The following CCDC92 variants were observed in gnomAD, a reference collection of about 807,000 sequenced individuals.
The protein encoded by CCDC92 is coiled-coil domain containing 92.
A neutral mutation model predicts 24.9 loss-of-function variants in CCDC92; 12 were observed. That is an observed-to-expected ratio of 0.48 (90% CI 0.31 to 0.78). The LOEUF (loss-of-function observed/expected upper bound fraction) is 0.78, where lower values mean the gene tolerates loss of function less well. Ranked by LOEUF, CCDC92 falls within the 30% of genes least tolerant of loss-of-function variation. The probability of loss-of-function intolerance (pLI) is 0.05; values close to 1 mark genes in which losing one functional copy is unlikely to be tolerated. For synonymous variants in CCDC92, 193 were observed against 196.3 expected (o/e 0.98, Z 0.14); for missense variants, 399 against 439.4 (o/e 0.91, Z 0.82).
chr12:123,972,242 G>T (rs1342900669), intron 1 of CCDC92, among the ~76,000 whole-genome samples: 1 of 151,928 alleles, frequency 6.6e-6, no homozygotes, highest in East Asian at 1.9e-4. Flanking sequence ...GGGGGCGGGC[G>T]CGGGGGTCGC....
chr12:123,949,133 G>A (rs1479026155), intron 1 of CCDC92, among the ~76,000 whole-genome samples: 1 of 152,288 alleles, frequency 6.6e-6, no homozygotes, highest in East Asian at 1.9e-4. Flanking sequence ...AGAAAGGCAG[G>A]GCGTCTGCTG....
At position 123,937,473 on chromosome 12, in the gene CCDC92, G is replaced by A; in HGVS notation, c.581C>T (p.Pro194Leu). 6.2e-7 allele frequency: 1 copy of A among 1,613,172 alleles called. No homozygotes were observed. Residue 194 changes from proline to leucine, a missense_variant, in exon 5 of 5, where the codon CCC (proline) becomes CTC (leucine). Transcript: ENST00000238156. This position sits in a 1 kb window ranked among gnomAD's most constrained non-coding sequence, Gnocchi z 8.4. Reference protein sequence around the residue: ...PVLASYKPAPPKDKLPETPRR... With the variant: ...PVLASYKPAPLKDKLPETPRR... ...AGGCGTTTCGGGTAGCTTGTCTTTG[G>A]GGGGCGCTGGCTTGTAGCTGGCCAG...
rs373710834 is a variant in CCDC92, at chr12:123,937,479, G to A, written c.575C>T (p.Ala192Val). The A allele has an allele frequency of 3.9e-5, 63 of 1,612,854 alleles. No individual in the cohort carries two copies. Among genetic ancestry groups the A allele is most frequent in the South Asian group, 9.9e-5 (9 of 91,080 alleles). Reference protein sequence around the residue: ...GSPVLASYKPAPPKDKLPETP... With the variant: ...GSPVLASYKPVPPKDKLPETP... ...TTCGGGTAGCTTGTCTTTGGGGGGC[G>A]CTGGCTTGTAGCTGGCCAGCACGGG... Residue 192 changes from alanine (A) to valine (V), a missense_variant, in exon 5 of 5, where the codon GCG becomes GTG. Transcript: ENST00000238156. The surrounding 1 kb of genome is among the most constrained non-coding windows in gnomAD (Gnocchi z 8.4).
chr12:123,937,257 G>T lies in CCDC92; in HGVS notation c.797C>A (p.Pro266His), dbSNP rs1330145699. The change falls in exon 5 of 5, where the codon CCC becomes CAC. Residue 266 changes from proline to histidine, a missense_variant. Pro to His is a moderately conservative substitution (Grantham distance 77). Transcript: ENST00000238156. The surrounding 1 kb of genome is among the most constrained non-coding windows in gnomAD (Gnocchi z 8.4). ...HLIKERPLVI[P>H]PIASDRSGEQ... Reference sequence around the variant, plus strand: ...GCCGCTTCGGTCGGAGGCGATGGGGGGGATGACGAGGGGCCTCTCTTTGAT... The same window carrying T: ...GCCGCTTCGGTCGGAGGCGATGGGGTGGATGACGAGGGGCCTCTCTTTGAT... 1.9e-6 allele frequency: 3 copies of T among 1,611,544 alleles called. No individual in the cohort carries two copies. Among genetic ancestry groups the T allele is most frequent in the Non-Finnish European group, 2.5e-6 (3 of 1,179,822 alleles).
chr12:123,942,301 G>A (rs1390000790), intron 4 of CCDC92, among the ~76,000 whole-genome samples: 1 of 152,144 alleles, frequency 6.6e-6, no homozygotes, highest in South Asian at 2.1e-4. Context: ...GTGACCACTC[G>A]CCCGCCAGCA....
intron 1 of CCDC92, among the ~76,000 whole-genome samples, chr12:123,961,689 C>T (rs889163178): frequency 2.0e-5 from 3 of 152,140 alleles, no homozygotes; most frequent in Non-Finnish European, 2.9e-5. Context: ...ACTGCAGTAG[C>T]GACACAGCCT....
At chr12:123,966,890 A>G (rs1237937750) in intron 1 of CCDC92, among the ~76,000 whole-genome samples, 1 of 152,184 alleles carries the variant, frequency 6.6e-6, no homozygotes, top group Non-Finnish European at 1.5e-5. Context: ...ATGAGACACA[A>G]GAACCTCCAA....
chr12:123,937,074 G>A lies in CCDC92; in HGVS notation c.980C>T (p.Thr327Met), dbSNP rs199877368. Reference protein sequence around the residue: ...GGKVVRKHSGTDRTV With the variant: ...GGKVVRKHSGMDRTV ...CGGCGGGCTTCACACAGTTCTGTCCGTCCCTGAGTGCTTCCTCACCACCTT... is the reference window on the plus strand; with the variant it reads ...CGGCGGGCTTCACACAGTTCTGTCCATCCCTGAGTGCTTCCTCACCACCTT... Residue 327 changes from threonine (T) to methionine (M), a missense_variant, in exon 5 of 5, where the codon ACG becomes ATG. Coordinates refer to ENST00000238156, the MANE Select transcript of CCDC92 (RefSeq NM_025140.3). This position sits in a 1 kb window ranked among gnomAD's most constrained non-coding sequence, Gnocchi z 8.4. 83 of 1,613,884 alleles carry A rather than the reference G, an allele frequency of 5.1e-5. 1 individual carries two copies. In the African/African-American group the frequency reaches 6.0e-4, roughly 12 times the overall value.
intron 1 of CCDC92, among the ~76,000 whole-genome samples, chr12:123,963,569 A>G (rs2138162605): frequency 6.6e-6 from 1 of 152,262 alleles, no homozygotes; most frequent in East Asian, 1.9e-4. Context: ...TTGCAAATAA[A>G]CTCCAAATTG....
rs933429780 is a variant in CCDC92, at chr12:123,935,989, C to G, written c.*1069G>C. 1 of 153,442 alleles carries G rather than the reference C, an allele frequency of 6.5e-6. No individual in the cohort carries two copies. Among genetic ancestry groups the G allele is most frequent in the East Asian group, 1.9e-4 (1 of 5,206 alleles). The allele number at this position is 153,442 out of a possible 1,614,324, so 9.5% of individuals were successfully genotyped here. A position where few individuals can be genotyped will look rare whatever the true frequency, so the allele number is the denominator to read the frequency against. ...CTTCTTTGGCTCTGACCTGCTACGGCGACTGTGAAGTTGTTGAGCTTAGTG... is the reference window on the plus strand; with the variant it reads ...CTTCTTTGGCTCTGACCTGCTACGGGGACTGTGAAGTTGTTGAGCTTAGTG... On this transcript the variant is annotated 3_prime_UTR_variant, in exon 5 of 5. Transcript: ENST00000238156.
chr12:123,947,650 G>A (rs546045042), intron 1 of CCDC92, among the ~76,000 whole-genome samples: 2 of 152,216 alleles, frequency 1.3e-5, no homozygotes, highest in East Asian at 3.9e-4. Context: ...TGATGGGGAG[G>A]TGGTGAACCT....
chr12:123,972,179 A>G (rs1260673964), intron 1 of CCDC92: 2 of 151,842 alleles, frequency 1.3e-5, no homozygotes, highest in Non-Finnish European at 2.9e-5. Context: ...CGCACCCTGG[A>G]CTGGAGCCCG....
rs565466744 is a variant in CCDC92 at position 123,944,279 on chromosome 12, G to A, written c.27C>T (p.Tyr9=). The A allele has an allele frequency of 1.9e-5, 30 of 1,592,850 alleles. No individual in the cohort carries two copies. The highest frequency in any genetic ancestry group is 3.6e-5 in the Admixed American group (2 of 56,292). ...CAGGGCCCCAGACTCTACCTTCATC[G>A]TAACTCGAGAAATGTGGTGAAGTCA... The part of the protein sequence containing the change: MTSPHFSS[Y]DEGPLDVSMA... The change falls in exon 2 of 5, where the codon TAC becomes TAT. Residue 9 remains tyrosine, a synonymous_variant. Transcript: ENST00000238156.
At position 123,936,894 on chromosome 12, in the gene CCDC92, A is replaced by G. The variant is rs1214096424; in HGVS notation, c.*164T>C. The G allele has an allele frequency of 1.4e-6, 1 of 732,168 alleles. No individual in the cohort carries two copies. The highest frequency in any genetic ancestry group is 1.8e-5 in the African/African-American group (1 of 56,482). The allele number at this position is 732,168 out of a possible 1,614,324, so 45.4% of individuals were successfully genotyped here. A position where few individuals can be genotyped will look rare whatever the true frequency, so the allele number is the denominator to read the frequency against. On this transcript the variant is annotated 3_prime_UTR_variant, in exon 5 of 5. Coordinates refer to ENST00000238156, the MANE Select transcript of CCDC92 (RefSeq NM_025140.3). ...ATACATATTCTGCGGCAGGGACACG[A>G]TCATATTTTGGTGTGAAGAAGAGGG...
At chr12:123,967,562 T>C (rs1218114868) in intron 1 of CCDC92, among the ~76,000 whole-genome samples, 1 of 152,214 alleles carries the variant, frequency 6.6e-6, no homozygotes, top group Non-Finnish European at 1.5e-5. Flanking sequence ...GTTTAAGGTA[T>C]GGCACGAGCC....
At chr12:123,945,086 C>T (rs1955805241) in intron 1 of CCDC92, 1 of 152,114 alleles carries the variant, frequency 6.6e-6, no homozygotes, top group Non-Finnish European at 1.5e-5. Context: ...TTGGAAAAGA[C>T]TAGAAACAAA....
intron 1 of CCDC92, among the ~76,000 whole-genome samples, chr12:123,965,215 CGT>C (rs1214363374): frequency 2.0e-5 from 3 of 152,086 alleles, no homozygotes; most frequent in Non-Finnish European, 1.5e-5. Flanking sequence ...TTTGGAATGA[CGT>C]GTGTGCTTGT....
intron 1 of CCDC92, among the ~76,000 whole-genome samples, chr12:123,953,621 A>G (rs1956080414): frequency 2.0e-5 from 3 of 152,196 alleles, no homozygotes; most frequent in African/African-American, 4.8e-5. Flanking sequence ...TACTAAAAAT[A>G]CAAAAAATTA....
At position 123,937,501 on chromosome 12, in the gene CCDC92, C is replaced by T. The variant is rs375777447; in HGVS notation, c.553G>A (p.Val185Met). 106 of 1,612,526 alleles carry T rather than the reference C, an allele frequency of 6.6e-5. 1 individual carries two copies. Among genetic ancestry groups the T allele is most frequent in the African/African-American group, 1.3e-4 (10 of 74,916 alleles). The change falls in exon 5 of 5, where the codon GTG (valine) becomes ATG (methionine). Residue 185 changes from valine (V) to methionine (M), a missense_variant. Val to Met is a conservative substitution (Grantham distance 21). Transcript: ENST00000238156. This position sits in a 1 kb window ranked among gnomAD's most constrained non-coding sequence, Gnocchi z 8.4. ...TSDASPSGSP[V>M]LASYKPAPPK... Reference sequence around the variant, plus strand: ...GGCGCTGGCTTGTAGCTGGCCAGCACGGGGCTCCCTGACGGGCTGGCATCT... The same window carrying T: ...GGCGCTGGCTTGTAGCTGGCCAGCATGGGGCTCCCTGACGGGCTGGCATCT...
Sources: gnomAD v4.1 joint callset for allele counts (sites outside exome capture counted in the v4.1 genomes callset) on GRCh38, gnomAD v4.1.1 for gene constraint, Gnocchi (gnomAD v3.1) non-coding constraint, MANE v1.5 for transcripts, NCBI Gene and HGNC (gene_info 2026-07-23, HGNC 2026-07-21) for gene names.